The following CELF2 variants were observed in gnomAD, a reference collection of about 807,000 sequenced individuals.
The protein encoded by CELF2 is CUG triplet repeat RNA-binding protein 2.
A neutral mutation model predicts 62.6 loss-of-function variants in CELF2; 8 were observed. That is an observed-to-expected ratio of 0.13 (90% CI 0.07 to 0.23). CELF2 has a LOEUF of 0.23. Among genes scored for constraint, CELF2 ranks in the 10% least tolerant of loss-of-function variants. The pLI is 1.00. For missense variants in CELF2, 333 were observed against 671.0 expected, an observed-to-expected ratio of 0.50 and a Z score of 5.56; for synonymous variants, 258 against 250.0, an observed-to-expected ratio of 1.03 and a Z score of -0.30.
chr10:11,115,873 A>G (rs1219863960), intron 1 of CELF2, among the ~76,000 whole-genome samples: 1 of 152,214 alleles, frequency 6.6e-6, no homozygotes, highest in Non-Finnish European at 1.5e-5. Context: ...TTGCCCTATC[A>G]TAGAGTGAAA....
At position 11,191,838 on chromosome 10, in the gene CELF2, G is replaced by A. The variant is rs556625611; in HGVS notation, c.272-25587G>A. ...CCCAGTGAAGGAGGAGGGAGGGGCC[G>A]TGTGCATGCTCATGCTGTTTATCCC... On this transcript the variant is annotated intron_variant, in intron 2 of 12. Coordinates refer to ENST00000633077, the MANE Select transcript of CELF2 (RefSeq NM_001326342.2). This position sits in a 1 kb window ranked among gnomAD's most constrained non-coding sequence, Gnocchi z 4.1. 6.2e-4 allele frequency among the ~76,000 whole-genome samples: 95 copies of A among 152,304 alleles called. No homozygotes were observed. The highest frequency in any genetic ancestry group is 1.0e-3 in the Non-Finnish European group (71 of 68,006).
intron 1 of CELF2, chr10:11,071,726 T>G (rs1399454988): frequency 6.6e-6 from 1 of 152,212 alleles, no homozygotes; most frequent in African/African-American, 2.4e-5. Context: ...ACCAGTGTTA[T>G]TTCCCAGAGG....
rs991777094 is a variant in CELF2, at chr10:11,285,604, A to T, written c.842-2814A>T. On this transcript the variant is annotated intron_variant, in intron 8 of 12. Transcript: ENST00000633077. This position sits in a 1 kb window ranked among gnomAD's most constrained non-coding sequence, Gnocchi z 4.3. ...GAGAGAAGGACTAAACATGGGCCCT[A>T]GTAAGTATCTGTACAGTGGATTAGT... 2.6e-5 allele frequency among the ~76,000 whole-genome samples: 4 copies of T among 152,210 alleles called. No homozygotes were observed. The highest frequency in any genetic ancestry group is 9.6e-5 in the African/African-American group (4 of 41,452).
At chr10:10,555,010 G>A in the CELF2 span, among the ~76,000 whole-genome samples, 17 of 152,120 alleles carry the variant, frequency 1.1e-4, no homozygotes, top group Non-Finnish European at 1.8e-4. Flanking sequence ...AGTTCCAGGG[G>A]CATTAAAAAG....
At chr10:11,062,981 G>A (rs942839605) in intron 1 of CELF2, among the ~76,000 whole-genome samples, 2 of 152,120 alleles carry the variant, frequency 1.3e-5, no homozygotes, top group African/African-American at 4.8e-5. Context: ...ATCGAGGCAG[G>A]ACCCTCCACC....
chr10:10,719,517 A>G, the CELF2 span, among the ~76,000 whole-genome samples: 5 of 152,038 alleles, frequency 3.3e-5, no homozygotes, highest in Non-Finnish European at 7.4e-5. Context: ...CCTCCCACCT[A>G]GGCCCCCCAA....
chr10:10,991,938 C>T (rs895992125), intron 2 of CELF2, among the ~76,000 whole-genome samples: 1 of 152,158 alleles, frequency 6.6e-6, no homozygotes, highest in Non-Finnish European at 1.5e-5. Context: ...TATAGTTCTT[C>T]ATTCACTTGG....
intron 1 of CELF2, among the ~76,000 whole-genome samples, chr10:11,054,067 A>T (rs532785285): frequency 8.5e-5 from 13 of 152,250 alleles, no homozygotes; most frequent in Non-Finnish European, 1.8e-4. Flanking sequence ...TATAATTTCC[A>T]GTATCTTTAG....
chr10:11,239,512 TAATG>T (rs2072963161), intron 3 of CELF2, among the ~76,000 whole-genome samples: 1 of 152,186 alleles, frequency 6.6e-6, no homozygotes, highest in Non-Finnish European at 1.5e-5. Flanking sequence ...TGCAAAATAA[TAATG>T]AAGAGGATGA....
intron 1 of CELF2, among the ~76,000 whole-genome samples, chr10:11,043,033 C>G (rs1404569073): frequency 1.3e-5 from 2 of 152,144 alleles, no homozygotes; most frequent in Non-Finnish European, 2.9e-5. Context: ...TGTGTATATG[C>G]CTAGGAGTGA....
Position 11,333,569 on chromosome 10 carries a change from C to T in CELF2, c.*4516C>T, listed in dbSNP as rs1014635469. On this transcript the variant is annotated 3_prime_UTR_variant, in exon 13 of 13. Coordinates refer to ENST00000633077, the MANE Select transcript of CELF2 (RefSeq NM_001326342.2). The stretch of plus-strand genomic sequence containing the variant: ...AAAAAAAATAAAATTTTAAAAAAAC[C>T]TGTAGTTTCATTACCTTTTTGAATA... The T allele has an allele frequency of 6.6e-6, 1 of 151,840 alleles. No individual in the cohort carries two copies. Among genetic ancestry groups the T allele is most frequent in the Admixed American group, 6.6e-5 (1 of 15,250 alleles). The allele number at this position is 151,840 out of a possible 1,614,324, so 9.4% of individuals were successfully genotyped here.
upstream of CELF2, chr10:10,796,993 C>A (rs2054176162): frequency 3.5e-6 from 2 of 576,462 alleles, no homozygotes; most frequent in Non-Finnish European, 2.2e-6. Flanking sequence ...TCCATGACTG[C>A]TAAAGAGAAA....
chr10:10,752,220 G>T, the CELF2 span, among the ~76,000 whole-genome samples: 14 of 152,286 alleles, frequency 9.2e-5, no homozygotes, highest in African/African-American at 3.1e-4. Context: ...ACTACCTGGA[G>T]GGTTTCTGTC....
At chr10:10,792,811 T>C in the CELF2 span, among the ~76,000 whole-genome samples, 2 of 152,104 alleles carry the variant, frequency 1.3e-5, no homozygotes, top group African/African-American at 2.4e-5. Context: ...TCCCCCCTAC[T>C]GTATGTACCA....
chr10:10,778,666 T>C, the CELF2 span, among the ~76,000 whole-genome samples: 1 of 152,208 alleles, frequency 6.6e-6, no homozygotes. Flanking sequence ...TTTTGCTGGC[T>C]AATAGCATTG....
the CELF2 span, among the ~76,000 whole-genome samples, chr10:10,500,496 T>A: frequency 6.6e-6 from 1 of 152,188 alleles, no homozygotes; most frequent in Admixed American, 6.5e-5. Flanking sequence ...ATCTGATGGT[T>A]TTATAAAGGT....
At chr10:10,531,631 C>T in the CELF2 span, among the ~76,000 whole-genome samples, 7 of 152,160 alleles carry the variant, frequency 4.6e-5, no homozygotes, top group African/African-American at 1.7e-4. Flanking sequence ...AAGCCAGGTG[C>T]ACTCTTCACT....
chr10:10,462,597 G>A, the CELF2 span, among the ~76,000 whole-genome samples: 3 of 122,670 alleles, frequency 2.4e-5, no homozygotes, highest in East Asian at 2.6e-4. Context: ...GTAAGAAAAC[G>A]AGTTTAATTT....
the CELF2 span, among the ~76,000 whole-genome samples, chr10:10,617,693 G>A: frequency 7.1e-6 from 1 of 139,982 alleles, no homozygotes; most frequent in African/African-American, 2.7e-5. Context: ...ACTCTAAAGG[G>A]CCTTAGGCTT....
Sources: allele counts gnomAD v4.1 joint callset (sites outside exome capture counted in the v4.1 genomes callset), GRCh38; gene constraint gnomAD v4.1.1; non-coding constraint Gnocchi (gnomAD v3.1); transcripts MANE v1.5; gene names NCBI Gene and HGNC (gene_info 2026-07-23, HGNC 2026-07-21).